The following CYP7B1 variants were observed in gnomAD, a reference collection of about 807,000 sequenced individuals.
CYP7B1 encodes the protein cytochrome P450 family 7 subfamily B member 1, also known as cytochrome P450 7B1.
In CYP7B1, 29 loss-of-function variants were observed where a neutral mutation model predicts 42.7. The observed-to-expected ratio is 0.68, with a 90% CI of 0.51 to 0.93. CYP7B1 has a LOEUF of 0.93. Ranked by LOEUF, CYP7B1 falls within the 40% of genes least tolerant of loss-of-function variation. CYP7B1 has a pLI of 0.00. For synonymous variants in CYP7B1, 235 were observed against 218.2 expected (o/e 1.08, Z -0.68); for missense variants, 655 against 600.5 (o/e 1.09, Z -0.95).
At chr8:64,798,402 T>C in intron 1 of CYP7B1, 64 bp downstream of exon 1, 2 of 1,440,044 alleles carry the variant, frequency 1.4e-6, no homozygotes, top group Middle Eastern at 2.4e-4. Flanking sequence ...CCCCTCGCCA[T>C]CTGGGTCGCG....
chr8:64,649,745 G>A (rs1298490634), intron 1 of CYP7B1, among the ~76,000 whole-genome samples: 1 of 152,148 alleles, frequency 6.6e-6, no homozygotes, highest in African/African-American at 2.4e-5. Context: ...TTTTGATAGT[G>A]ACCATCCTGA....
In CYP7B1 at chr8:64,713,286, TC is replaced by T. The variant is rs560934465; in HGVS notation, c.122+85179del. On this transcript the variant is annotated intron_variant, in intron 1 of 5. Transcript: ENST00000310193. Reference sequence around the variant, plus strand: ...GCACAACAAAAAGAATATGACAAAATCCATCATCCCAAACCATAAAATTCTC... The same window carrying T: ...GCACAACAAAAAGAATATGACAAAATCATCATCCCAAACCATAAAATTCTC... Among the ~76,000 whole-genome samples, 141 of 151,574 alleles carry T rather than the reference TC, an allele frequency of 9.3e-4. 1 individual carries two copies. The highest frequency in any genetic ancestry group is 6.7e-3 in the South Asian group (32 of 4,804).
chr8:64,772,455 T>C (rs1804251757), intron 1 of CYP7B1, among the ~76,000 whole-genome samples: 1 of 152,190 alleles, frequency 6.6e-6, no homozygotes, highest in African/African-American at 2.4e-5. Context: ...CAGAAAAGAA[T>C]CCTGCAGCCA....
At chr8:64,695,001 C>T (rs575308562) in intron 1 of CYP7B1, among the ~76,000 whole-genome samples, 177 of 152,202 alleles carry the variant, frequency 1.2e-3, no homozygotes, top group Non-Finnish European at 2.2e-3. Context: ...GTCAATAATG[C>T]ATAAGATAAG....
In CYP7B1 at chr8:64,793,375, TA is replaced by T. The variant is rs1162518934; in HGVS notation, c.122+5090del. Among the ~76,000 whole-genome samples, 3 of 152,318 alleles carry T rather than the reference TA, an allele frequency of 2.0e-5. No homozygotes were observed. The Middle Eastern group carries it at 0.01, about 518-fold the overall frequency. On this transcript the variant is annotated intron_variant, in intron 1 of 5. Coordinates refer to ENST00000310193, the MANE Select transcript of CYP7B1 (RefSeq NM_004820.5). ...TTTATTTTAATTGTTTCAGAAAAACTATTTTTTTTCATTTTTGTAGGGATTG... is the reference window on the plus strand; with the variant it reads ...TTTATTTTAATTGTTTCAGAAAAACTTTTTTTTTCATTTTTGTAGGGATTG...
intron 3 of CYP7B1, 151 bp from the exon 4 acceptor site, chr8:64,615,383 T>C: frequency 2.4e-6 from 2 of 845,154 alleles, no homozygotes; most frequent in African/African-American, 1.7e-5. Flanking sequence ...TCTAATTTTC[T>C]GCTTAATGAG....
chr8:64,704,039 C>A (rs1206602673), intron 1 of CYP7B1: 1 of 151,996 alleles, frequency 6.6e-6, no homozygotes, highest in African/African-American at 2.4e-5. Flanking sequence ...TATGCCTAGT[C>A]AGGACAGAAA....
At chr8:64,663,138 C>A (rs1806223485) in intron 1 of CYP7B1, among the ~76,000 whole-genome samples, 1 of 152,192 alleles carries the variant, frequency 6.6e-6, no homozygotes. Flanking sequence ...ATCTTCCTCC[C>A]TCCATCCTCT....
chr8:64,648,052 G>C (rs1163599121), intron 1 of CYP7B1, among the ~76,000 whole-genome samples: 1 of 152,122 alleles, frequency 6.6e-6, no homozygotes, highest in African/African-American at 2.4e-5. Flanking sequence ...TACTCAATTT[G>C]TGTCAAGCAC....
intron 1 of CYP7B1, among the ~76,000 whole-genome samples, chr8:64,671,831 TCTC>T (rs924224225): frequency 6.6e-5 from 10 of 152,258 alleles, no homozygotes; most frequent in African/African-American, 2.4e-4. Context: ...GATGCAAGGT[TCTC>T]CTATTTTGGA....
chr8:64,724,085 A>G (rs566339518), intron 1 of CYP7B1, among the ~76,000 whole-genome samples: 1 of 152,022 alleles, frequency 6.6e-6, no homozygotes, highest in East Asian at 1.9e-4. Flanking sequence ...AAGCATAGAA[A>G]GGAACGGGGT....
At chr8:64,763,385 C>G (rs899726451) in intron 1 of CYP7B1, among the ~76,000 whole-genome samples, 2 of 152,182 alleles carry the variant, frequency 1.3e-5, no homozygotes, top group East Asian at 1.9e-4. Context: ...GGTCAGAGAA[C>G]AAAAGGGATG....
intron 1 of CYP7B1, among the ~76,000 whole-genome samples, chr8:64,666,951 A>C (rs1806289575): frequency 6.6e-6 from 1 of 152,214 alleles, no homozygotes; most frequent in Non-Finnish European, 1.5e-5. Context: ...TTACAACTCT[A>C]CAGGAAAGTG....
At chr8:64,685,989 C>A (rs1335814103) in intron 1 of CYP7B1, among the ~76,000 whole-genome samples, 1 of 50,592 alleles carries the variant, frequency 2.0e-5, no homozygotes, top group Non-Finnish European at 4.0e-5. Context: ...TCTGCCCGGC[C>A]GCCCCTACTG....
intron 1 of CYP7B1, among the ~76,000 whole-genome samples, chr8:64,666,740 T>C (rs745354226): frequency 6.6e-6 from 1 of 152,230 alleles, no homozygotes; most frequent in Non-Finnish European, 1.5e-5. Flanking sequence ...AACAGTATTG[T>C]CACTGTTATT....
chr8:64,677,438 CAAAAAAAAA>C (rs148821778), intron 1 of CYP7B1, among the ~76,000 whole-genome samples: 2 of 87,300 alleles, frequency 2.3e-5, no homozygotes, highest in African/African-American at 8.0e-5. Flanking sequence ...ATTTAGGAGC[CAAAAAAAAA>C]AAAAAAAAAA....
chr8:64,681,283 T>C (rs1465993605), intron 1 of CYP7B1, among the ~76,000 whole-genome samples: 1 of 152,168 alleles, frequency 6.6e-6, no homozygotes, highest in African/African-American at 2.4e-5. Context: ...CAGTTAATAA[T>C]TCCCCAGTCG....
intron 1 of CYP7B1, among the ~76,000 whole-genome samples, chr8:64,672,161 A>G (rs966185544): frequency 6.6e-6 from 1 of 152,170 alleles, no homozygotes; most frequent in Non-Finnish European, 1.5e-5. Flanking sequence ...CTTGTAGAAG[A>G]CTGGCCATTT....
chr8:64,726,192 C>T (rs1429197420), intron 1 of CYP7B1, among the ~76,000 whole-genome samples: 2 of 152,098 alleles, frequency 1.3e-5, no homozygotes, highest in Admixed American at 1.3e-4. Flanking sequence ...AAAATGCCCT[C>T]AATTGTTTCT....
Sources: allele counts gnomAD v4.1 joint callset (sites outside exome capture counted in the v4.1 genomes callset), GRCh38; gene constraint gnomAD v4.1.1; transcripts MANE v1.5; gene names NCBI Gene and HGNC (gene_info 2026-07-23, HGNC 2026-07-21).